The following SFMBT2 variants were observed in gnomAD, a reference collection of about 807,000 sequenced individuals.
SFMBT2 encodes scm-like with four MBT domains protein 2.
A neutral mutation model predicts 110.1 loss-of-function variants in SFMBT2; 38 were observed. The observed-to-expected ratio is 0.35, with a 90% CI of 0.27 to 0.45. SFMBT2 has a LOEUF of 0.45. SFMBT2 is among the 20% of genes least tolerant of loss of function. The pLI is 1.00. For missense variants in SFMBT2, 1,011 were observed against 1,094.9 expected, an observed-to-expected ratio of 0.92 and a Z score of 1.08; for synonymous variants, 425 against 425.4, an observed-to-expected ratio of 1.00 and a Z score of 0.01.
intron 9 of SFMBT2, chr10:7,241,115 G>A (rs1464200772): frequency 6.5e-6 from 1 of 153,214 alleles, no homozygotes; most frequent in Non-Finnish European, 1.4e-5. Context: ...GAGTTTCCCT[G>A]CACAAGCCCT....
intron 16 of SFMBT2, among the ~76,000 whole-genome samples, chr10:7,188,283 G>C (rs1042614240): frequency 1.3e-5 from 2 of 152,164 alleles, no homozygotes; most frequent in Admixed American, 6.5e-5. Flanking sequence ...TATGAACATA[G>C]TATAATAATG....
chr10:7,189,749 AG>A, intron 15 of SFMBT2, among the ~76,000 whole-genome samples: 1 of 152,346 alleles, frequency 6.6e-6, no homozygotes, highest in Middle Eastern at 3.4e-3. Context: ...AGTTGGAAGG[AG>A]CACGCCAGGC....
At chr10:7,351,836 C>T (rs1844328593) in intron 4 of SFMBT2, among the ~76,000 whole-genome samples, 1 of 151,230 alleles carries the variant, frequency 6.6e-6, no homozygotes. Context: ...ACTCATACGG[C>T]CCTTTGTCAA....
intron 4 of SFMBT2, among the ~76,000 whole-genome samples, chr10:7,346,707 C>T (rs145992956): frequency 1.4e-3 from 211 of 151,804 alleles, no homozygotes; most frequent in African/African-American, 4.9e-3. Flanking sequence ...AGGTGGTGCA[C>T]GCCTGTAATC....
At chr10:7,234,562 TATTAAAA>T (rs1840201053) in intron 9 of SFMBT2, among the ~76,000 whole-genome samples, 1 of 152,184 alleles carries the variant, frequency 6.6e-6, no homozygotes, top group South Asian at 2.1e-4. Context: ...TATTTTCAGA[TATTAAAA>T]ATGACCTAGA....
At chr10:7,297,908 C>T (rs1842449237) in intron 4 of SFMBT2, among the ~76,000 whole-genome samples, 1 of 152,202 alleles carries the variant, frequency 6.6e-6, no homozygotes, top group Non-Finnish European at 1.5e-5. Flanking sequence ...CCACGCCCTC[C>T]CTGTTATCAG....
At chr10:7,196,042 C>A (rs1328985077) in intron 15 of SFMBT2, among the ~76,000 whole-genome samples, 1 of 152,076 alleles carries the variant, frequency 6.6e-6, no homozygotes. Context: ...GAGAAAATGC[C>A]CTCTGACTTC....
At chr10:7,212,602 G>C (rs745953135) in intron 11 of SFMBT2, among the ~76,000 whole-genome samples, 1 of 152,162 alleles carries the variant, frequency 6.6e-6, no homozygotes, top group African/African-American at 2.4e-5. Context: ...TGACTACTAC[G>C]TGCTAACATG....
intron 9 of SFMBT2, among the ~76,000 whole-genome samples, chr10:7,235,360 A>T (rs1290165054): frequency 6.6e-6 from 1 of 152,204 alleles, no homozygotes; most frequent in Admixed American, 6.5e-5. Context: ...CATAATCAAC[A>T]ATCACAAACC....
At chr10:7,203,676 A>G in intron 12 of SFMBT2, 1 of 984,978 alleles carries the variant, frequency 1.0e-6, no homozygotes, top group Non-Finnish European at 1.2e-6. Context: ...GTTGGGGAGA[A>G]TCTATTGGCC....
intron 1 of SFMBT2, among the ~76,000 whole-genome samples, chr10:7,385,746 TC>T (rs747998872): frequency 1.4e-4 from 22 of 152,190 alleles, no homozygotes; most frequent in Non-Finnish European, 1.6e-4. Context: ...ACGCCTGTAA[TC>T]CCAGCACTTT....
At position 7,264,254 on chromosome 10, in the gene SFMBT2, C is replaced by T. The variant is rs141710683; in HGVS notation, c.870+12638G>A. 1.3e-3 allele frequency: 321 copies of T among 242,274 alleles called. 1 individual carries two copies. The highest frequency in any genetic ancestry group is 8.7e-3 in the Middle Eastern group (4 of 458). 15.0% of individuals were successfully genotyped at this position (242,274 alleles called of 1,614,324 possible). A position where few individuals can be genotyped will look rare whatever the true frequency, so the allele number is the denominator to read the frequency against. ...AACCATTTCAGGTACAGTTTCAGAC[C>T]CAACCAAACCAGACTCAATGCAGTG... On this transcript the variant is annotated intron_variant, in intron 7 of 20. Transcript: ENST00000397167.
At position 7,200,416 on chromosome 10, in the gene SFMBT2, G is replaced by A. The variant is rs1234211017; in HGVS notation, c.1556C>T (p.Thr519Ile). The change falls in exon 14 of 21, where the codon ACA becomes ATA. Residue 519 changes from threonine to isoleucine, a missense_variant and splice_region_variant. Physicochemically the swap from Thr to Ile is moderately conservative, Grantham distance 89. Around this residue, in one of 2 missense-constraint regions of SFMBT2, gnomAD observed 979 missense variants for 1,016.1 expected, o/e 0.96. Coordinates refer to ENST00000397167, the MANE Select transcript of SFMBT2 (RefSeq NM_001387889.1). The stretch of plus-strand genomic sequence containing the variant: ...ACCCCCTAAATGGGACTGATTACCT[G>A]TGGTGTCCAGGTGAGGGAATAAACA... The part of the protein sequence containing the change: ...DLCLFPHLDT[T>I]GTVNGKYCCP... 1 of 1,596,088 alleles carries A rather than the reference G, an allele frequency of 6.3e-7. No individual in the cohort carries two copies. The highest frequency in any genetic ancestry group is 8.5e-7 in the Non-Finnish European group (1 of 1,170,840).
At chr10:7,218,069 T>G (rs1839601130) in intron 11 of SFMBT2, among the ~76,000 whole-genome samples, 1 of 152,206 alleles carries the variant, frequency 6.6e-6, no homozygotes, top group Non-Finnish European at 1.5e-5. Flanking sequence ...TACCTAAAAG[T>G]GGTCAGTCTA....
chr10:7,205,776 C>G (rs760863294), intron 12 of SFMBT2, 39 bp downstream of exon 12: 12 of 1,600,904 alleles, frequency 7.5e-6, no homozygotes, highest in Non-Finnish European at 1.0e-5. Flanking sequence ...ACAAAGATCA[C>G]TGGTGTCATC....
chr10:7,185,338 A>C (rs1351313986), intron 16 of SFMBT2, among the ~76,000 whole-genome samples: 1 of 152,254 alleles, frequency 6.6e-6, no homozygotes, highest in African/African-American at 2.4e-5. Flanking sequence ...ATGAACAAAC[A>C]AAACCTTTTC....
chr10:7,169,025 C>T (rs533284701), intron 20 of SFMBT2, among the ~76,000 whole-genome samples: 92 of 152,250 alleles, frequency 6.0e-4, no homozygotes, highest in Non-Finnish European at 1.2e-3. Context: ...TGCAGTGACA[C>T]GATCTCGGCT....
intron 1 of SFMBT2, among the ~76,000 whole-genome samples, chr10:7,402,881 A>G (rs916003397): frequency 2.0e-5 from 3 of 152,254 alleles, no homozygotes; most frequent in Non-Finnish European, 4.4e-5. Flanking sequence ...GTTTAGAAGG[A>G]AAAATTCTAG....
chr10:7,185,574 C>T (rs1428592476), intron 16 of SFMBT2, among the ~76,000 whole-genome samples: 2 of 152,180 alleles, frequency 1.3e-5, no homozygotes, highest in East Asian at 1.9e-4. Context: ...CTGACTTTAT[C>T]TCCTTCCCTC....
Sources: gnomAD v4.1 joint callset for allele counts (sites outside exome capture counted in the v4.1 genomes callset) on GRCh38, gnomAD v4.1.1 for gene constraint, gnomAD v4.1.1 regional missense constraint, MANE v1.5 for transcripts, NCBI Gene and HGNC (gene_info 2026-07-23, HGNC 2026-07-21) for gene names.